The following NCAM2 variants were observed in gnomAD, a reference collection of about 807,000 sequenced individuals.
NCAM2 encodes neural cell adhesion molecule 2.
In NCAM2, 30 loss-of-function variants were observed where a neutral mutation model predicts 98.1. The observed-to-expected ratio is 0.31, with a 90% CI of 0.23 to 0.41. The LOEUF (loss-of-function observed/expected upper bound fraction) is 0.41. NCAM2 is among the 10% of genes least tolerant of loss of function. The pLI, the probability that NCAM2 is intolerant of heterozygous loss-of-function variation, is 1.00. For missense variants in NCAM2, 867 were observed against 1,005.8 expected (o/e 0.86, Z 1.87); for synonymous variants, 368 against 342.4 (o/e 1.07, Z -0.83).
At chr21:21,251,054 T>C (rs1037120962) in intron 1 of NCAM2, among the ~76,000 whole-genome samples, 1 of 152,212 alleles carries the variant, frequency 6.6e-6, no homozygotes, top group Non-Finnish European at 1.5e-5. Flanking sequence ...TTCTCTTTCC[T>C]GGGGAAAGGA....
chr21:21,092,876 A>G (rs1012996963), intron 1 of NCAM2, among the ~76,000 whole-genome samples: 4 of 151,990 alleles, frequency 2.6e-5, no homozygotes, highest in African/African-American at 7.2e-5. Flanking sequence ...GTTAAGCAAA[A>G]TTTTATTAAT....
At chr21:21,027,998 G>A (rs928649134) in intron 1 of NCAM2, among the ~76,000 whole-genome samples, 1 of 151,822 alleles carries the variant, frequency 6.6e-6, no homozygotes, top group East Asian at 1.9e-4. Context: ...TGAGCAGCTG[G>A]GATTACAGGC....
intron 1 of NCAM2, among the ~76,000 whole-genome samples, chr21:21,001,306 T>C (rs1273228265): frequency 6.6e-6 from 1 of 152,214 alleles, no homozygotes; most frequent in Non-Finnish European, 1.5e-5. Flanking sequence ...CTTTTTTTTA[T>C]TGTAGCAGAA....
At chr21:21,012,449 G>A (rs188856174) in intron 1 of NCAM2, among the ~76,000 whole-genome samples, 8 of 151,906 alleles carry the variant, frequency 5.3e-5, no homozygotes, top group Non-Finnish European at 1.0e-4. Flanking sequence ...TGCTTTTAGG[G>A]GCAAAGAAGA....
chr21:21,400,987 A>C (rs893971145), intron 9 of NCAM2, among the ~76,000 whole-genome samples: 3 of 152,184 alleles, frequency 2.0e-5, no homozygotes, highest in South Asian at 2.1e-4. Flanking sequence ...GAATTTATCT[A>C]GTTCAACTCC....
chr21:21,218,444 G>A (rs1189244146), intron 1 of NCAM2, among the ~76,000 whole-genome samples: 2 of 152,134 alleles, frequency 1.3e-5, no homozygotes, highest in South Asian at 2.1e-4. Context: ...CCCCAAAGAT[G>A]TCCATGTGTC....
At chr21:21,097,031 A>G (rs951176238) in intron 1 of NCAM2, among the ~76,000 whole-genome samples, 3 of 151,710 alleles carry the variant, frequency 2.0e-5, no homozygotes, top group Admixed American at 1.3e-4. Flanking sequence ...TTACAGCATC[A>G]TCATTTTAGT....
chr21:20,999,394 G>T (rs2063978560), intron 1 of NCAM2, among the ~76,000 whole-genome samples: 1 of 151,966 alleles, frequency 6.6e-6, no homozygotes, highest in South Asian at 2.1e-4. Context: ...ACCTGAGAGG[G>T]AATTTGTGGA....
intron 9 of NCAM2, among the ~76,000 whole-genome samples, chr21:21,381,607 C>G (rs1319314977): frequency 6.6e-6 from 1 of 152,074 alleles, no homozygotes; most frequent in Non-Finnish European, 1.5e-5. Context: ...TATTTTGACA[C>G]TTTACATAAA....
intron 9 of NCAM2, among the ~76,000 whole-genome samples, chr21:21,404,580 T>G (rs1464425545): frequency 6.6e-6 from 1 of 152,108 alleles, no homozygotes; most frequent in Non-Finnish European, 1.5e-5. Context: ...TTTGAATGTC[T>G]TTATCAGCAA....
At chr21:21,238,258 A>C (rs1033167800) in intron 1 of NCAM2, among the ~76,000 whole-genome samples, 3 of 152,148 alleles carry the variant, frequency 2.0e-5, no homozygotes, top group Admixed American at 2.0e-4. Context: ...CGACCACCCA[A>C]AACAGTATTA....
At chr21:21,111,476 A>T (rs551784125) in intron 1 of NCAM2, among the ~76,000 whole-genome samples, 1 of 152,296 alleles carries the variant, frequency 6.6e-6, no homozygotes, top group Non-Finnish European at 1.5e-5. Flanking sequence ...TCCCACAAGA[A>T]GATCGAAGAC....
intron 1 of NCAM2, among the ~76,000 whole-genome samples, chr21:21,183,120 A>G (rs906809186): frequency 6.6e-6 from 1 of 152,174 alleles, no homozygotes; most frequent in Non-Finnish European, 1.5e-5. Context: ...ACTAAATCTT[A>G]GGCATGGTGC....
At chr21:21,373,334 A>C (rs1018380447) in intron 8 of NCAM2, among the ~76,000 whole-genome samples, 1 of 151,948 alleles carries the variant, frequency 6.6e-6, no homozygotes, top group Admixed American at 6.6e-5. Context: ...TATTTAGGCA[A>C]TCAGGAACTA....
chr21:21,180,190 C>T (rs1409589873), intron 1 of NCAM2, among the ~76,000 whole-genome samples: 2 of 152,072 alleles, frequency 1.3e-5, no homozygotes, highest in African/African-American at 4.8e-5. Context: ...CTCTTAAGAC[C>T]CAGACCTCAA....
intron 12 of NCAM2, among the ~76,000 whole-genome samples, chr21:21,436,504 A>G (rs1418053014): frequency 6.6e-6 from 1 of 152,198 alleles, no homozygotes; most frequent in Non-Finnish European, 1.5e-5. Context: ...TATATAACAT[A>G]TTATATTTTA....
chr21:21,162,897 T>G (rs2067830481), intron 1 of NCAM2, among the ~76,000 whole-genome samples: 1 of 152,142 alleles, frequency 6.6e-6, no homozygotes, highest in Admixed American at 6.6e-5. Flanking sequence ...TCAAAAGATA[T>G]CATGAACAGT....
chr21:21,027,828 C>T (rs533963236), intron 1 of NCAM2, among the ~76,000 whole-genome samples: 15 of 151,648 alleles, frequency 9.9e-5, no homozygotes, highest in Non-Finnish European at 2.2e-4. Flanking sequence ...ATGTAATTGC[C>T]CTTTCCTCTG....
At chr21:21,480,566 T>A (rs1429154767) in intron 15 of NCAM2, among the ~76,000 whole-genome samples, 1 of 152,032 alleles carries the variant, frequency 6.6e-6, no homozygotes, top group African/African-American at 2.4e-5. Flanking sequence ...AGTGTGTGAC[T>A]ATAGATAAGG....
Sources: allele counts gnomAD v4.1 joint callset (sites outside exome capture counted in the v4.1 genomes callset), GRCh38; gene constraint gnomAD v4.1.1; transcripts MANE v1.5; gene names NCBI Gene and HGNC (gene_info 2026-07-23, HGNC 2026-07-21).